SSR1: variants seen among roughly 807,000 people sequenced by gnomAD.
SSR1 encodes the protein signal sequence receptor subunit 1.
A neutral mutation model predicts 36.1 loss-of-function variants in SSR1; 13 were observed. That is an observed-to-expected ratio of 0.36 (90% CI 0.23 to 0.57). The LOEUF (loss-of-function observed/expected upper bound fraction) is 0.57. SSR1 is among the 20% of genes least tolerant of loss of function. SSR1 has a pLI of 0.81. For missense variants in SSR1, 291 were observed against 338.5 expected (o/e 0.86, Z 1.10); for synonymous variants, 113 against 118.9 (o/e 0.95, Z 0.32).
At chr6:7,310,199 T>C (rs561946476) in intron 1 of SSR1, among the ~76,000 whole-genome samples, 170 bp from the exon 2 acceptor site, 85 of 152,056 alleles carry the variant, frequency 5.6e-4, no homozygotes, top group African/African-American at 1.6e-3. Flanking sequence ...TTTAGTTTAC[T>C]AGTAGTCTTA....
intron 7 of SSR1, 82 bp downstream of exon 7, chr6:7,295,310 G>GTTT: frequency 8.6e-7 from 1 of 1,160,084 alleles, no homozygotes; most frequent in Non-Finnish European, 1.2e-6. Flanking sequence ...TACTGAAAAA[G>GTTT]TTTTTTTTTT....
At position 7,289,681 on chromosome 6, in the gene SSR1, A is replaced by T; in HGVS notation, c.*183T>A. ...GGTTTAAAAAAAAACCAAATTTGTT[A>T]CTTTAGAAAAATGAATGCAGTGCAT... On this transcript the variant is annotated 3_prime_UTR_variant, in exon 8 of 8. Coordinates refer to ENST00000244763, the MANE Select transcript of SSR1 (RefSeq NM_003144.5). 1.7e-6 allele frequency: 1 copy of T among 603,230 alleles called. No homozygotes were observed. Among genetic ancestry groups the T allele is most frequent in the Non-Finnish European group, 2.8e-6 (1 of 356,862 alleles). 37.4% of individuals were successfully genotyped at this position (603,230 alleles called of 1,614,324 possible). A position where few individuals can be genotyped will look rare whatever the true frequency, so the allele number is the denominator to read the frequency against.
intron 4 of SSR1, 65 bp from the exon 5 acceptor site, chr6:7,298,888 T>A: frequency 1.5e-6 from 2 of 1,313,874 alleles, no homozygotes; most frequent in Non-Finnish European, 2.2e-6. Flanking sequence ...ACATGTAACA[T>A]TACTTAAAAC....
chr6:7,286,254 A>C lies in SSR1; in HGVS notation c.*3610T>G, dbSNP rs1358618785. 2.6e-5 allele frequency: 4 copies of C among 152,200 alleles called. No homozygotes were observed. The highest frequency in any genetic ancestry group is 2.6e-4 in the Admixed American group (4 of 15,280). The allele number at this position is 152,200 out of a possible 1,614,324, so 9.4% of individuals were successfully genotyped here. On this transcript the variant is annotated 3_prime_UTR_variant, in exon 8 of 8. Transcript: ENST00000244763. ...TTATCCCTAAATTTCAAAATCTAAAAAAAAAACCTTAGAACCTCAGATGAT... is the reference window on the plus strand; with the variant it reads ...TTATCCCTAAATTTCAAAATCTAAACAAAAAACCTTAGAACCTCAGATGAT...
chr6:7,295,865 C>A (rs1757784107), intron 6 of SSR1, among the ~76,000 whole-genome samples: 1 of 152,120 alleles, frequency 6.6e-6, no homozygotes, highest in Non-Finnish European at 1.5e-5. Flanking sequence ...AAAGACCTTT[C>A]CCCTTGCTAT....
intron 7 of SSR1, among the ~76,000 whole-genome samples, chr6:7,294,269 A>G (rs973720584): frequency 6.6e-6 from 1 of 152,228 alleles, no homozygotes; most frequent in Non-Finnish European, 1.5e-5. Flanking sequence ...AGAGACATCC[A>G]AGGTATGAAA....
intron 1 of SSR1, among the ~76,000 whole-genome samples, 179 bp from the exon 2 acceptor site, chr6:7,310,208 TAAC>T (rs1758159400): frequency 6.6e-6 from 1 of 151,274 alleles, no homozygotes; most frequent in African/African-American, 2.4e-5. Context: ...CTAGTAGTCT[TAAC>T]AACTGCATAT....
At chr6:7,297,510 G>A (rs757015014) in intron 6 of SSR1, among the ~76,000 whole-genome samples, 20 of 152,010 alleles carry the variant, frequency 1.3e-4, no homozygotes, top group Non-Finnish European at 2.1e-4. Flanking sequence ...CAGATTGCTC[G>A]AGTTCAGGAG....
chr6:7,290,755 G>A (rs926807385), intron 7 of SSR1, among the ~76,000 whole-genome samples: 6 of 151,692 alleles, frequency 4.0e-5, no homozygotes, highest in African/African-American at 1.5e-4. Context: ...AAAGTGAAGG[G>A]CTAGAAAGTG....
At chr6:7,295,369 G>A in intron 7 of SSR1, 23 bp downstream of exon 7, 1 of 1,559,526 alleles carries the variant, frequency 6.4e-7, no homozygotes, top group Non-Finnish European at 8.8e-7. Flanking sequence ...AAACTTCCCA[G>A]CCAAGTCTGT....
chr6:7,289,957 C>T, intron 7 of SSR1, 26 bp from the exon 8 acceptor site: 2 of 1,524,272 alleles, frequency 1.3e-6, no homozygotes, highest in Non-Finnish European at 1.7e-6. Context: ...AAGTTTTAAG[C>T]TTGCCTATTA....
At chr6:7,301,062 A>G (rs1022628084) in intron 4 of SSR1, among the ~76,000 whole-genome samples, 2 of 152,084 alleles carry the variant, frequency 1.3e-5, no homozygotes, top group Non-Finnish European at 2.9e-5. Flanking sequence ...CTCCCACACA[A>G]TAGCACCTTA....
chr6:7,306,645 A>G (rs568118936), intron 2 of SSR1, among the ~76,000 whole-genome samples: 76 of 151,692 alleles, frequency 5.0e-4, no homozygotes, highest in East Asian at 1.2e-3. Context: ...GGCCAGGTGC[A>G]GTGGCTCATG....
At chr6:7,294,893 G>T (rs1010510226) in intron 7 of SSR1, among the ~76,000 whole-genome samples, 1 of 152,104 alleles carries the variant, frequency 6.6e-6, no homozygotes, top group Non-Finnish European at 1.5e-5. Context: ...TAATAAAACT[G>T]AAATGTATCT....
At chr6:7,311,590 T>C (rs9328407) in intron 1 of SSR1, among the ~76,000 whole-genome samples, 46,454 of 152,062 alleles carry the variant, frequency 0.31, 7,870 homozygotes, top group African/African-American at 0.46. Context: ...CAAAAACCAG[T>C]AAGAAAAATA....
chr6:7,299,529 T>C (rs9502589), intron 4 of SSR1, among the ~76,000 whole-genome samples: 70,495 of 151,776 alleles, frequency 0.46, 16,378 homozygotes, highest in East Asian at 0.57. Flanking sequence ...AGAAACCCCC[T>C]CTCTACTAAA....
chr6:7,296,206 A>G (rs1581629886), intron 6 of SSR1, among the ~76,000 whole-genome samples: 1 of 152,224 alleles, frequency 6.6e-6, no homozygotes, highest in East Asian at 1.9e-4. Flanking sequence ...TTGCTTTAAA[A>G]AAAAACCCAA....
chr6:7,291,698 G>C (rs1452954005), intron 7 of SSR1, among the ~76,000 whole-genome samples: 2 of 152,168 alleles, frequency 1.3e-5, no homozygotes, highest in African/African-American at 4.8e-5. Flanking sequence ...TTTCAAATAA[G>C]CAGTATGCTG....
rs963055337 is a variant in SSR1, at chr6:7,281,243, A to C, written c.*8621T>G. The C allele has an allele frequency of 6.6e-6, 1 of 152,198 alleles. No homozygotes were observed. Among genetic ancestry groups the C allele is most frequent in the Non-Finnish European group, 1.5e-5 (1 of 68,036 alleles). The allele number at this position is 152,198 out of a possible 1,614,324, so 9.4% of individuals were successfully genotyped here. A position where few individuals can be genotyped will look rare whatever the true frequency, so the allele number is the denominator to read the frequency against. On this transcript the variant is annotated 3_prime_UTR_variant, in exon 8 of 8. Transcript: ENST00000244763. ...AGCAGGAGGTTAGACCAGTAACAAC[A>C]ACCAAGAAAGCAAAGTGCTCGTTTC...
Sources: gnomAD v4.1 joint callset for allele counts (sites outside exome capture counted in the v4.1 genomes callset) on GRCh38, gnomAD v4.1.1 for gene constraint, MANE v1.5 for transcripts, NCBI Gene and HGNC (gene_info 2026-07-23, HGNC 2026-07-21) for gene names.